MFSD11: variants seen among roughly 807,000 people sequenced by gnomAD.
MFSD11 encodes the protein major facilitator superfamily domain containing 11, also known as UNC93-like protein MFSD11.
MFSD11 carries 36 observed loss-of-function variants against 53.5 expected under a neutral mutation model. The ratio of observed to expected loss-of-function variants is 0.67; its 90% CI spans 0.52 to 0.89. The LOEUF is 0.89. MFSD11 is among the 40% of genes least tolerant of loss of function. MFSD11 has a pLI of 0.00. For missense variants in MFSD11, 530 were observed against 543.9 expected, an observed-to-expected ratio of 0.97 and a Z score of 0.25; for synonymous variants, 186 against 184.9, an observed-to-expected ratio of 1.01 and a Z score of -0.05.
chr17:76,776,103 C>T lies in MFSD11; in HGVS notation c.1050-303C>T, dbSNP rs1356654375. 6.6e-6 allele frequency among the ~76,000 whole-genome samples: 1 copy of T among 152,102 alleles called. No homozygotes were observed. Among genetic ancestry groups the T allele is most frequent in the Non-Finnish European group, 1.5e-5 (1 of 68,014 alleles). On this transcript the variant is annotated intron_variant, in intron 11 of 12. Transcript: ENST00000685175. The surrounding 1 kb of genome is among the most constrained non-coding windows in gnomAD (Gnocchi z 4.2). ...AAGTGATTCTCGTGTCTCAGCCTCC[C>T]GAGTAGCTGGGATTACAGGCACGCG...
intron 7 of MFSD11, among the ~76,000 whole-genome samples, chr17:76,748,698 T>C (rs1289511500): frequency 1.5e-5 from 2 of 134,906 alleles, no homozygotes; most frequent in Non-Finnish European, 3.2e-5. Context: ...AAAAAAAAAA[T>C]CTGTCCTCTA....
chr17:76,778,161 G>A lies in MFSD11; in HGVS notation c.1186-27G>A, dbSNP rs9889562. ...GCTCAGTGTGGCCCCCGGTGCGCCC[G>A]TTGTGATTTGTTTTGTTTGTTCTTA... On this transcript the variant is annotated intron_variant, in intron 12 of 12. Coordinates refer to ENST00000685175, the MANE Select transcript of MFSD11 (RefSeq NM_001242532.5). 8,466 of 1,613,434 alleles carry A rather than the reference G, an allele frequency of 5.2e-3. 25 individuals carry two copies. The highest frequency in any genetic ancestry group is 6.4e-3 in the Non-Finnish European group (7,603 of 1,179,482).
At chr17:76,791,199 G>A in the MFSD11 span, among the ~76,000 whole-genome samples, 3 of 148,886 alleles carry the variant, frequency 2.0e-5, 1 homozygote. Context: ...CTTATCAAGA[G>A]TAGTTCTGCC....
At chr17:76,748,837 C>T (rs1319219696) in intron 7 of MFSD11, among the ~76,000 whole-genome samples, 1 of 151,808 alleles carries the variant, frequency 6.6e-6, no homozygotes, top group Non-Finnish European at 1.5e-5. Flanking sequence ...CTCTTCTTTC[C>T]TCCCTCTATC....
chr17:76,767,573 C>T, intron 9 of MFSD11, 122 bp downstream of exon 9: 1 of 630,172 alleles, frequency 1.6e-6, no homozygotes, highest in Non-Finnish European at 2.7e-6. Context: ...TGGTTCTTCT[C>T]ATGGTGTCAC....
downstream of MFSD11, among the ~76,000 whole-genome samples, chr17:76,780,225 G>A (rs61646794): frequency 5.2e-3 from 796 of 152,280 alleles, 5 homozygotes; most frequent in African/African-American, 0.018. Context: ...CCTGTCAGCA[G>A]TCATTCTTTC....
At chr17:76,779,645 T>A (rs540782184), downstream of MFSD11, among the ~76,000 whole-genome samples, 4 of 152,104 alleles carry the variant, frequency 2.6e-5, no homozygotes, top group South Asian at 8.3e-4. Flanking sequence ...CCACCACACC[T>A]GGCTAATTTT....
At chr17:76,747,109 A>AG (rs2078623666) in intron 7 of MFSD11, among the ~76,000 whole-genome samples, 2 of 152,080 alleles carry the variant, frequency 1.3e-5, no homozygotes, top group Non-Finnish European at 2.9e-5. Context: ...TTTAAGAAAT[A>AG]CATTTCATGA....
chr17:76,790,972 C>A, the MFSD11 span, among the ~76,000 whole-genome samples: 1 of 147,274 alleles, frequency 6.8e-6, no homozygotes, highest in Non-Finnish European at 1.5e-5. Flanking sequence ...TCTAACTTGA[C>A]ATTTTGTGTG....
At chr17:76,736,960 G>A (rs756763573), upstream of MFSD11, 7 of 1,613,476 alleles carry the variant, frequency 4.3e-6, no homozygotes, top group South Asian at 1.1e-5. Flanking sequence ...CGTCCTCAGC[G>A]TCGCGCTTGT....
chr17:76,796,838 G>C, the MFSD11 span, among the ~76,000 whole-genome samples: 5 of 139,254 alleles, frequency 3.6e-5, no homozygotes, highest in Non-Finnish European at 6.2e-5. Flanking sequence ...AAATTAGCTG[G>C]ATATGGTGGC....
intron 2 of MFSD11, 52 bp downstream of exon 2, chr17:76,739,045 A>G (rs763180570): frequency 5.9e-6 from 8 of 1,362,988 alleles, no homozygotes; most frequent in South Asian, 1.2e-5. Context: ...AGTTGCTTAA[A>G]TCTCATCAGA....
At chr17:76,740,064 C>A (rs1377745690) in intron 2 of MFSD11, among the ~76,000 whole-genome samples, 1 of 149,234 alleles carries the variant, frequency 6.7e-6, no homozygotes, top group East Asian at 2.0e-4. Flanking sequence ...ATCCCAGCTA[C>A]TCGGGAGGCT....
At chr17:76,744,892 T>C (rs1421533084) in intron 7 of MFSD11, among the ~76,000 whole-genome samples, 1 of 152,250 alleles carries the variant, frequency 6.6e-6, no homozygotes, top group East Asian at 1.9e-4. Context: ...GGGCCAGTGA[T>C]GGTTGTCACA....
At chr17:76,784,671 G>C (rs1464771302), downstream of MFSD11, among the ~76,000 whole-genome samples, 4 of 152,158 alleles carry the variant, frequency 2.6e-5, no homozygotes, top group African/African-American at 9.7e-5. Flanking sequence ...GAGGTGGGTG[G>C]ATCACTTGAG....
intron 7 of MFSD11, among the ~76,000 whole-genome samples, chr17:76,752,365 G>T (rs925671983): frequency 2.6e-5 from 4 of 151,514 alleles, no homozygotes. Context: ...TAGTGTTTCG[G>T]CAGTAGTCTT....
rs1442545848 is a variant in MFSD11 at position 76,777,000 on chromosome 17, G to A, written c.1185+459G>A. 6.6e-6 allele frequency among the ~76,000 whole-genome samples: 1 copy of A among 151,854 alleles called. No homozygotes were observed. Among genetic ancestry groups the A allele is most frequent in the African/African-American group, 2.4e-5 (1 of 41,376 alleles). ...TTAAAGACAAAGTCGGCCCGCCGCGGCTCACACTTGTAATCCCAGCACTTT... is the reference window on the plus strand; with the variant it reads ...TTAAAGACAAAGTCGGCCCGCCGCGACTCACACTTGTAATCCCAGCACTTT... On this transcript the variant is annotated intron_variant, in intron 12 of 12. Transcript: ENST00000685175. This position sits in a 1 kb window ranked among gnomAD's most constrained non-coding sequence, Gnocchi z 4.2.
intron 10 of MFSD11, among the ~76,000 whole-genome samples, chr17:76,770,183 G>A (rs1476439688): frequency 6.6e-6 from 1 of 150,756 alleles, no homozygotes; most frequent in Admixed American, 6.6e-5. Flanking sequence ...GACTACAGGC[G>A]CCCGCCACTA....
chr17:76,737,187 G>T, upstream of MFSD11: 1 of 1,517,712 alleles, frequency 6.6e-7, no homozygotes. Context: ...CCGGAGCCCC[G>T]CGAACTGGCG....
Sources: gnomAD v4.1 joint callset for allele counts (sites outside exome capture counted in the v4.1 genomes callset) on GRCh38, gnomAD v4.1.1 for gene constraint, Gnocchi (gnomAD v3.1) non-coding constraint, MANE v1.5 for transcripts, NCBI Gene and HGNC (gene_info 2026-07-23, HGNC 2026-07-21) for gene names.